Variants in GALNT7 observed in about 807,000 individuals in gnomAD.
GALNT7 encodes N-acetylgalactosaminyltransferase 7.
In GALNT7, 60 loss-of-function variants were observed where a neutral mutation model predicts 82.1. That is an observed-to-expected ratio of 0.73 (90% CI 0.59 to 0.91). The LOEUF is 0.91. GALNT7 is among the 40% of genes least tolerant of loss of function. The pLI is 0.00. For missense variants in GALNT7, 660 were observed against 804.2 expected, an observed-to-expected ratio of 0.82 and a Z score of 2.17; for synonymous variants, 243 against 275.1, an observed-to-expected ratio of 0.88 and a Z score of 1.15.
chr4:173,169,105 G>GA, intron 1 of GALNT7, 144 bp downstream of exon 1: 1 of 612,624 alleles, frequency 1.6e-6, no homozygotes, highest in Non-Finnish European at 2.4e-6. Context: ...AGCGCGGGCC[G>GA]AGGGGGTGCC....
Position 173,321,811 on chromosome 4 carries a change from C to T in GALNT7, c.*94C>T, listed in dbSNP as rs977711146. The T allele has an allele frequency of 1.3e-6, 1 of 758,948 alleles. No homozygotes were observed. Among genetic ancestry groups the T allele is most frequent in the Admixed American group, 2.5e-5 (1 of 40,574 alleles). The allele number at this position is 758,948 out of a possible 1,614,324, so 47.0% of individuals were successfully genotyped here. A position where few individuals can be genotyped will look rare whatever the true frequency, so the allele number is the denominator to read the frequency against. ...AACCTGCTGCAACTATTGTTATTAA[C>T]TCTGTATAGCTCCAAACCTGGAACC... On this transcript the variant is annotated 3_prime_UTR_variant, in exon 12 of 12. Transcript: ENST00000265000.
chr4:173,287,646 C>G (rs889844670), intron 2 of GALNT7, among the ~76,000 whole-genome samples: 1 of 152,212 alleles, frequency 6.6e-6, no homozygotes, highest in Admixed American at 6.5e-5. Context: ...AGGTGCCGCC[C>G]CATGTTTGCA....
In GALNT7 at chr4:173,302,042, C is replaced by T. The variant is rs751451056; in HGVS notation, c.1149-5C>T. 1 of 1,380,120 alleles carries T rather than the reference C, an allele frequency of 7.2e-7. No homozygotes were observed. The highest frequency in any genetic ancestry group is 1.2e-5 in the South Asian group (1 of 85,744). 85.5% of individuals were successfully genotyped at this position (1,380,120 alleles called of 1,614,324 possible). A position where few individuals can be genotyped will look rare whatever the true frequency, so the allele number is the denominator to read the frequency against. On this transcript the variant is annotated splice_polypyrimidine_tract_variant and splice_region_variant and intron_variant, in intron 6 of 11. Transcript: ENST00000265000. This position sits in a 1 kb window ranked among gnomAD's most constrained non-coding sequence, Gnocchi z 4.2. ...AATGGTTATTGCAGTGTTTCTTTTT[C>T]TTAGGTCCCCAGCCATGGCTGGGGG...
At chr4:173,186,663 A>G (rs1732469655) in intron 1 of GALNT7, among the ~76,000 whole-genome samples, 1 of 152,196 alleles carries the variant, frequency 6.6e-6, no homozygotes, top group African/African-American at 2.4e-5. Context: ...ATTGTAAGTG[A>G]AGGAGGGCTG....
At position 173,302,056 on chromosome 4, in the gene GALNT7, C is replaced by G. The variant is rs1736962444; in HGVS notation, c.1158C>G (p.Ala386=). The change falls in exon 7 of 12, where the codon GCC becomes GCG. Residue 386 remains alanine (A), a synonymous_variant. Transcript: ENST00000265000. The surrounding 1 kb of genome is among the most constrained non-coding windows in gnomAD (Gnocchi z 4.2). The part of the protein sequence containing the change: ...KTKTEPYRSP[A]MAGGLFAIER... ...TGTTTCTTTTTCTTAGGTCCCCAGC[C>G]ATGGCTGGGGGATTATTTGCCATTG... The G allele has an allele frequency of 6.6e-7, 1 of 1,524,788 alleles. No homozygotes were observed. The highest frequency in any genetic ancestry group is 9.1e-7 in the Non-Finnish European group (1 of 1,098,752). 94.5% of individuals were successfully genotyped at this position (1,524,788 alleles called of 1,614,324 possible).
chr4:173,249,725 T>A (rs1000419924), intron 2 of GALNT7, among the ~76,000 whole-genome samples: 2 of 152,176 alleles, frequency 1.3e-5, no homozygotes, highest in African/African-American at 4.8e-5. Context: ...TACTTAAAAA[T>A]TTTTTTAAAT....
At chr4:173,294,755 T>A (rs1006586190) in intron 3 of GALNT7, among the ~76,000 whole-genome samples, 2 of 152,290 alleles carry the variant, frequency 1.3e-5, no homozygotes, top group African/African-American at 2.4e-5. Context: ...CTTCCTCTAC[T>A]AAATTACAAA....
Position 173,317,723 on chromosome 4 carries a change from A to T in GALNT7, c.1698A>T (p.Gly566=). 1 of 1,602,762 alleles carries T rather than the reference A, an allele frequency of 6.2e-7. No individual in the cohort carries two copies. The highest frequency in any genetic ancestry group is 2.2e-5 in the East Asian group (1 of 44,812). ...AACTAGGACCCTGCCACAGGATGGG[A>T]GGGAATCAGGTAAACCACCTTACTT... ...FVELGPCHRM[G]GNQLFRINEA... The change falls in exon 10 of 12, where the codon GGA becomes GGT. Residue 566 remains glycine, a synonymous_variant. Coordinates refer to ENST00000265000, the MANE Select transcript of GALNT7 (RefSeq NM_017423.3).
rs142832135 is a variant in GALNT7, at chr4:173,247,268, G to C, written c.127-712G>C. Among the ~76,000 whole-genome samples, 291 of 151,558 alleles carry C rather than the reference G, an allele frequency of 1.9e-3. 1 individual carries two copies. The highest frequency in any genetic ancestry group is 6.7e-3 in the African/African-American group (278 of 41,260). On this transcript the variant is annotated intron_variant, in intron 1 of 11. Transcript: ENST00000265000. ...ATGAAGACGGCCCAAACAGAAAAGA[G>C]AGGCACCCTTTACTGTGAATGAATA...
At chr4:173,253,747 A>G (rs1350012243) in intron 2 of GALNT7, among the ~76,000 whole-genome samples, 1 of 152,194 alleles carries the variant, frequency 6.6e-6, no homozygotes, top group Non-Finnish European at 1.5e-5. Flanking sequence ...CACTCTGCCC[A>G]AAGCTCGTTT....
chr4:173,172,275 A>T (rs1026755203), intron 1 of GALNT7, among the ~76,000 whole-genome samples: 5 of 152,192 alleles, frequency 3.3e-5, no homozygotes, highest in Non-Finnish European at 7.3e-5. Flanking sequence ...GTGGCCTGCC[A>T]GCAGCGGGGA....
chr4:173,282,900 C>CA (rs1736165758), intron 2 of GALNT7, among the ~76,000 whole-genome samples: 1 of 152,122 alleles, frequency 6.6e-6, no homozygotes, highest in African/African-American at 2.4e-5. Flanking sequence ...TGACCTTCCC[C>CA]AAAAAGGAAA....
chr4:173,301,496 A>T (rs1736934238), intron 6 of GALNT7, among the ~76,000 whole-genome samples: 1 of 152,194 alleles, frequency 6.6e-6, no homozygotes, highest in African/African-American at 2.4e-5. Context: ...AAATATCTAT[A>T]TCTAATTCTC....
chr4:173,196,063 A>G (rs1732763973), intron 1 of GALNT7, among the ~76,000 whole-genome samples: 1 of 152,318 alleles, frequency 6.6e-6, no homozygotes, highest in African/African-American at 2.4e-5. Context: ...ACAGTTGGAC[A>G]ATACAAAATT....
chr4:173,260,521 C>G (rs1044724426), intron 2 of GALNT7, among the ~76,000 whole-genome samples: 1 of 152,136 alleles, frequency 6.6e-6, no homozygotes, highest in Admixed American at 6.5e-5. Context: ...AAGACAAGGA[C>G]TAGGATCATT....
Position 173,183,918 on chromosome 4 carries a change from C to T in GALNT7, c.126+14957C>T, listed in dbSNP as rs1261087501. ...CCGGGTGGAGGGGCTCCTCACTTCT[C>T]AGACGGGGCGGCCAGGCAGAGACGC... is the stretch of plus-strand genomic sequence containing the variant. On this transcript the variant is annotated intron_variant, in intron 1 of 11. Coordinates refer to ENST00000265000, the MANE Select transcript of GALNT7 (RefSeq NM_017423.3). Among the ~76,000 whole-genome samples the T allele has an allele frequency of 3.3e-5, 5 of 151,852 alleles. No individual in the cohort carries two copies. The East Asian group carries it at 9.7e-4, about 30-fold the overall frequency.
At chr4:173,261,899 TACA>T (rs905808479) in intron 2 of GALNT7, among the ~76,000 whole-genome samples, 80 of 152,158 alleles carry the variant, frequency 5.3e-4, no homozygotes, top group African/African-American at 1.5e-3. Flanking sequence ...TATCAAAATA[TACA>T]ACATTGAAAT....
chr4:173,237,534 T>C (rs1024598870), intron 1 of GALNT7, among the ~76,000 whole-genome samples: 2 of 152,184 alleles, frequency 1.3e-5, no homozygotes, highest in Non-Finnish European at 2.9e-5. Context: ...CAGTAAAATG[T>C]TTTTCTTAGT....
chr4:173,247,319 C>T (rs1257436523), intron 1 of GALNT7, among the ~76,000 whole-genome samples: 2 of 150,810 alleles, frequency 1.3e-5, no homozygotes, highest in African/African-American at 2.4e-5. Flanking sequence ...TCTGTTTTGA[C>T]CCATGCTGCT....
Sources: allele counts gnomAD v4.1 joint callset (sites outside exome capture counted in the v4.1 genomes callset), GRCh38; gene constraint gnomAD v4.1.1; non-coding constraint Gnocchi (gnomAD v3.1); transcripts MANE v1.5; gene names NCBI Gene and HGNC (gene_info 2026-07-23, HGNC 2026-07-21).